The following EBF3 variants were observed in gnomAD, a reference collection of about 807,000 sequenced individuals.
The protein encoded by EBF3 is transcription factor COE3.
In EBF3, 18 loss-of-function variants were observed where a neutral mutation model predicts 77.1. The observed-to-expected ratio is 0.23, with a 90% confidence interval of 0.16 to 0.35. The LOEUF (loss-of-function observed/expected upper bound fraction) is 0.35, where lower values mean the gene tolerates loss of function less well. Among genes scored for constraint, EBF3 ranks in the 10% least tolerant of loss-of-function variants. The pLI, the probability that EBF3 is intolerant of heterozygous loss-of-function variation, is 1.00. For missense variants in EBF3, 558 were observed against 860.0 expected (o/e 0.65, Z 4.39); for synonymous variants, 350 against 343.5 (o/e 1.02, Z -0.21).
At chr10:129,945,786 G>T (rs145400813) in intron 6 of EBF3, among the ~76,000 whole-genome samples, 10 of 152,182 alleles carry the variant, frequency 6.6e-5, no homozygotes, top group African/African-American at 2.2e-4. Context: ...CCCTGTCACC[G>T]CTCCCTTCGA....
At position 129,863,714 on chromosome 10, in the gene EBF3, C is replaced by T. The variant is rs1046695526; in HGVS notation, c.1039+3427G>A. On this transcript the variant is annotated intron_variant, in intron 10 of 16. Coordinates refer to ENST00000440978, the MANE Select transcript of EBF3 (RefSeq NM_001375380.1). This position sits in a 1 kb window ranked among gnomAD's most constrained non-coding sequence, Gnocchi z 4.0. ...GTTTTCAGCGGGGGAGTGCAATTCC[C>T]GGTGATTACCTCATTGTCCCCATCA... 6.6e-6 allele frequency among the ~76,000 whole-genome samples: 1 copy of T among 152,180 alleles called. No individual in the cohort carries two copies. Among genetic ancestry groups the T allele is most frequent in the Non-Finnish European group, 1.5e-5 (1 of 68,032 alleles).
rs1554893031 is a variant in EBF3 at position 129,842,762 on chromosome 10, T to TAG, written c.1194+374_1194+375insCT. ...CTGGGTGACAGAGCAAGACCCTGTC[T>TAG]AAAAAAAAAAAAAAAAAAAGGGAGC... On this transcript the variant is annotated intron_variant, in intron 12 of 16. Coordinates refer to ENST00000440978, the MANE Select transcript of EBF3 (RefSeq NM_001375380.1). This position sits in a 1 kb window ranked among gnomAD's most constrained non-coding sequence, Gnocchi z 4.4. 3.4e-4 allele frequency among the ~76,000 whole-genome samples: 38 copies of TAG among 112,698 alleles called. No individual in the cohort carries two copies. The highest frequency in any genetic ancestry group is 4.8e-4 in the Non-Finnish European group (28 of 57,756). 73.9% of individuals were successfully genotyped at this position (112,698 alleles called of 152,430 possible). A position where few individuals can be genotyped will look rare whatever the true frequency, so the allele number is the denominator to read the frequency against.
At position 129,842,395 on chromosome 10, in the gene EBF3, C is replaced by G. The variant is rs1419570351; in HGVS notation, c.1195-102G>C. 7.6e-7 allele frequency: 1 copy of G among 1,320,202 alleles called. No individual in the cohort carries two copies. Among genetic ancestry groups the G allele is most frequent in the Non-Finnish European group, 1.0e-6 (1 of 976,138 alleles). 81.8% of individuals were successfully genotyped at this position (1,320,202 alleles called of 1,614,324 possible). Reference sequence around the variant, plus strand: ...TGGTGGCATCCCACTGTCCCTTGCCCAGACCATGACCAAATCTATTTCTTA... The same window carrying G: ...TGGTGGCATCCCACTGTCCCTTGCCGAGACCATGACCAAATCTATTTCTTA... On this transcript the variant is annotated intron_variant, in intron 12 of 16. Transcript: ENST00000440978. This position sits in a 1 kb window ranked among gnomAD's most constrained non-coding sequence, Gnocchi z 4.4.
chr10:129,840,111 G>A (rs374649346), intron 15 of EBF3, 134 bp downstream of exon 15: 28 of 1,125,824 alleles, frequency 2.5e-5, no homozygotes, highest in East Asian at 5.2e-5. Flanking sequence ...GAGGTGGCAC[G>A]CATCAAGGTG....
rs181986547 is a variant in EBF3 at position 129,870,423 on chromosome 10, G to A, written c.782-2511C>T. 2.3e-3 allele frequency among the ~76,000 whole-genome samples: 345 copies of A among 152,060 alleles called. No homozygotes were observed. Among genetic ancestry groups the A allele is most frequent in the Non-Finnish European group, 3.6e-3 (245 of 67,994 alleles). ...CCCCCACACTCCCCATCTCTTTCCC[G>A]GCCTGGCCCTGTGATGGGAGGCATC... is the stretch of plus-strand genomic sequence containing the variant. On this transcript the variant is annotated intron_variant, in intron 8 of 16. Coordinates refer to ENST00000440978, the MANE Select transcript of EBF3 (RefSeq NM_001375380.1). The surrounding 1 kb of genome is among the most constrained non-coding windows in gnomAD (Gnocchi z 4.4).
At chr10:129,889,480 G>C (rs915903733) in intron 6 of EBF3, among the ~76,000 whole-genome samples, 8 of 152,180 alleles carry the variant, frequency 5.3e-5, no homozygotes, top group African/African-American at 1.7e-4. Context: ...TCTGCTGCCT[G>C]AGCACAGCTT....
At chr10:129,896,223 T>C (rs1396307157) in intron 6 of EBF3, among the ~76,000 whole-genome samples, 2 of 152,214 alleles carry the variant, frequency 1.3e-5, no homozygotes, top group Non-Finnish European at 2.9e-5. Flanking sequence ...AGCATGTGTA[T>C]CGTCCAACTC....
intron 6 of EBF3, among the ~76,000 whole-genome samples, chr10:129,896,464 T>C (rs1208574215): frequency 1.3e-5 from 2 of 152,180 alleles, no homozygotes; most frequent in African/African-American, 4.8e-5. Context: ...TCGCCCGCCA[T>C]TCCTGGCCCC....
At chr10:129,956,749 C>G (rs921377358) in intron 6 of EBF3, among the ~76,000 whole-genome samples, 3 of 152,140 alleles carry the variant, frequency 2.0e-5, no homozygotes, top group East Asian at 3.8e-4. Flanking sequence ...TACATATTTG[C>G]TACTTGACAT....
rs577451303 is a variant in EBF3 at position 129,877,927 on chromosome 10, G to A, written c.555-78C>T. ...CAAACTTTTTAAAAGACACTCTTGCGCAGGGAGGAGTGGAGACTCAACCCC... is the reference window on the plus strand; with the variant it reads ...CAAACTTTTTAAAAGACACTCTTGCACAGGGAGGAGTGGAGACTCAACCCC... On this transcript the variant is annotated intron_variant, in intron 6 of 16. Coordinates refer to ENST00000440978, the MANE Select transcript of EBF3 (RefSeq NM_001375380.1). The A allele has an allele frequency of 2.9e-5, 34 of 1,159,378 alleles. No individual in the cohort carries two copies. The Admixed American group carries it at 3.6e-4, about 12-fold the overall frequency. 71.8% of individuals were successfully genotyped at this position (1,159,378 alleles called of 1,614,324 possible).
chr10:129,921,425 C>A (rs979474691), intron 6 of EBF3, among the ~76,000 whole-genome samples: 2 of 152,208 alleles, frequency 1.3e-5, no homozygotes, highest in Admixed American at 6.5e-5. Context: ...GGCCAAGAAC[C>A]CCTGCAGACA....
chr10:129,936,569 G>A (rs893238306), intron 6 of EBF3, among the ~76,000 whole-genome samples: 1 of 151,594 alleles, frequency 6.6e-6, no homozygotes, highest in Non-Finnish European at 1.5e-5. Context: ...TCAGCTATGT[G>A]GGGAACCAGG....
rs562600805 is a variant in EBF3, at chr10:129,864,800, C to G, written c.1039+2341G>C. 7.4e-4 allele frequency among the ~76,000 whole-genome samples: 112 copies of G among 152,322 alleles called. No individual in the cohort carries two copies. The highest frequency in any genetic ancestry group is 1.0e-3 in the Non-Finnish European group (71 of 68,026). The stretch of plus-strand genomic sequence containing the variant: ...AGCTCAGGTGCTGCTCCATGGCTCA[C>G]AAGCAATAATCAACACCCGCTTTCC... On this transcript the variant is annotated intron_variant, in intron 10 of 16. Coordinates refer to ENST00000440978, the MANE Select transcript of EBF3 (RefSeq NM_001375380.1). The surrounding 1 kb of genome is among the most constrained non-coding windows in gnomAD (Gnocchi z 4.4).
At position 129,842,393 on chromosome 10, in the gene EBF3, C is replaced by A. The variant is rs894678325; in HGVS notation, c.1195-100G>T. On this transcript the variant is annotated intron_variant, in intron 12 of 16. Coordinates refer to ENST00000440978, the MANE Select transcript of EBF3 (RefSeq NM_001375380.1). This position sits in a 1 kb window ranked among gnomAD's most constrained non-coding sequence, Gnocchi z 4.4. ...CATGGTGGCATCCCACTGTCCCTTG[C>A]CCAGACCATGACCAAATCTATTTCT... The A allele has an allele frequency of 7.1e-5, 97 of 1,362,668 alleles. No homozygotes were observed. Among genetic ancestry groups the A allele is most frequent in the Non-Finnish European group, 9.1e-5 (92 of 1,012,010 alleles). 84.4% of individuals were successfully genotyped at this position (1,362,668 alleles called of 1,614,324 possible).
intron 6 of EBF3, among the ~76,000 whole-genome samples, chr10:129,909,455 C>T (rs1855365906): frequency 6.6e-6 from 1 of 152,208 alleles, no homozygotes; most frequent in South Asian, 2.1e-4. Context: ...GGTGACACTC[C>T]CTCGGAACAG....
At chr10:129,910,992 G>A (rs551325624) in intron 6 of EBF3, among the ~76,000 whole-genome samples, 48 of 152,274 alleles carry the variant, frequency 3.2e-4, no homozygotes, top group African/African-American at 9.1e-4. Context: ...CGGAGGCTCC[G>A]GATCCAGCAC....
chr10:129,860,405 T>C (rs2134036309), intron 10 of EBF3, among the ~76,000 whole-genome samples: 1 of 152,290 alleles, frequency 6.6e-6, no homozygotes, highest in South Asian at 2.1e-4. Flanking sequence ...GACCCTTTTG[T>C]CCTTTGGGGA....
intron 7 of EBF3, among the ~76,000 whole-genome samples, chr10:129,875,577 C>G (rs1383763638): frequency 6.6e-6 from 1 of 152,238 alleles, no homozygotes; most frequent in African/African-American, 2.4e-5. Context: ...CAAATGCCCT[C>G]ATCGGGGGCA....
At chr10:129,953,106 G>C (rs1481042336) in intron 6 of EBF3, among the ~76,000 whole-genome samples, 1 of 151,454 alleles carries the variant, frequency 6.6e-6, no homozygotes, top group Non-Finnish European at 1.5e-5. Context: ...ATCTCCAATC[G>C]TTGGGCTACC....
Sources: gnomAD v4.1 joint callset for allele counts (sites outside exome capture counted in the v4.1 genomes callset) on GRCh38, gnomAD v4.1.1 for gene constraint, Gnocchi (gnomAD v3.1) non-coding constraint, MANE v1.5 for transcripts, NCBI Gene and HGNC (gene_info 2026-07-23, HGNC 2026-07-21) for gene names.